Variants in WBP2NL observed in about 807,000 individuals in gnomAD.
WBP2NL encodes the protein postacrosomal sheath WW domain-binding protein.
WBP2NL carries 27 observed loss-of-function variants against 23.3 expected under a neutral mutation model. The ratio of observed to expected loss-of-function variants is 1.16; its 90% CI spans 0.85 to 1.60. The LOEUF is 1.60. Ranked by LOEUF, WBP2NL falls within the 40% of genes most tolerant of loss-of-function variation. The pLI is 0.00. For missense variants in WBP2NL, 370 were observed against 389.5 expected, an observed-to-expected ratio of 0.95 and a Z score of 0.42; for synonymous variants, 151 against 145.9, an observed-to-expected ratio of 1.03 and a Z score of -0.25.
chr22:42,010,482 C>T (rs904486449), intron 1 of WBP2NL, among the ~76,000 whole-genome samples: 4 of 152,122 alleles, frequency 2.6e-5, no homozygotes, highest in African/African-American at 9.7e-5. Context: ...TAGCTTCCTT[C>T]TACTTTTAGT....
chr22:42,046,523 A>G (rs1925593579), intron 8 of WBP2NL, among the ~76,000 whole-genome samples: 1 of 152,120 alleles, frequency 6.6e-6, no homozygotes, highest in African/African-American at 2.4e-5. Flanking sequence ...AAATTTTTTA[A>G]AAAGTTTTAT....
chr22:42,007,687 C>T (rs897286302), intron 1 of WBP2NL, among the ~76,000 whole-genome samples: 3 of 152,140 alleles, frequency 2.0e-5, no homozygotes, highest in Admixed American at 6.5e-5. Context: ...TTTAACTTAG[C>T]GTAACATCCT....
At chr22:42,005,837 G>A (rs133314) in intron 1 of WBP2NL, among the ~76,000 whole-genome samples, 64,934 of 151,918 alleles carry the variant, frequency 0.43, 15,008 homozygotes, top group East Asian at 0.85. Flanking sequence ...AATGAAACAT[G>A]GCTTTACCAG....
intron 5 of WBP2NL, among the ~76,000 whole-genome samples, chr22:42,026,043 G>A (rs1033932843): frequency 2.6e-5 from 4 of 152,008 alleles, no homozygotes; most frequent in South Asian, 2.1e-4. Context: ...AGGCCGAGGC[G>A]GGTGGATCAT....
intron 8 of WBP2NL, among the ~76,000 whole-genome samples, chr22:42,044,461 A>G (rs1925509025): frequency 6.6e-6 from 1 of 152,232 alleles, no homozygotes; most frequent in South Asian, 2.1e-4. Flanking sequence ...AGGAATTAAT[A>G]GAGAAAATCA....
At chr22:42,050,791 AAC>A (rs1405877955) in intron 8 of WBP2NL, among the ~76,000 whole-genome samples, 2 of 151,836 alleles carry the variant, frequency 1.3e-5, no homozygotes, top group African/African-American at 2.4e-5. Context: ...TGCAAATTAA[AAC>A]AGATACTATT....
downstream of WBP2NL, chr22:42,031,815 C>G (rs1483144169): frequency 2.0e-5 from 3 of 152,024 alleles, no homozygotes; most frequent in African/African-American, 7.3e-5. Flanking sequence ...CCTGCTTCAG[C>G]CTCCTGAATA....
At chr22:42,003,320 A>C (rs981082760) in intron 1 of WBP2NL, 4 of 152,678 alleles carry the variant, frequency 2.6e-5, no homozygotes, top group African/African-American at 7.2e-5. Flanking sequence ...GGAAAAAAGC[A>C]GTTGTGACTA....
chr22:42,049,630 C>G (rs185240044), intron 8 of WBP2NL, among the ~76,000 whole-genome samples: 22 of 136,206 alleles, frequency 1.6e-4, no homozygotes, highest in African/African-American at 5.8e-4. Flanking sequence ...GCAGAGCTTG[C>G]AGTGAGCGGA....
intron 1 of WBP2NL, among the ~76,000 whole-genome samples, chr22:42,004,839 G>A (rs1216068327): frequency 1.3e-4 from 20 of 151,868 alleles, no homozygotes; most frequent in African/African-American, 4.1e-4. Context: ...CAGGAGAATC[G>A]CTTGAACCTG....
At chr22:42,034,029 C>T (rs1261534188), downstream of WBP2NL, among the ~76,000 whole-genome samples, 1 of 152,214 alleles carries the variant, frequency 6.6e-6, no homozygotes, top group Non-Finnish European at 1.5e-5. Context: ...TGATGGTACC[C>T]AGGCTGTAGG....
At chr22:42,045,210 G>A (rs1159665480) in intron 8 of WBP2NL, among the ~76,000 whole-genome samples, 1 of 152,028 alleles carries the variant, frequency 6.6e-6, no homozygotes, top group Non-Finnish European at 1.5e-5. Flanking sequence ...AGTCCGAGGC[G>A]GGCGGATCAC....
intron 1 of WBP2NL, among the ~76,000 whole-genome samples, chr22:42,018,622 G>A (rs1368193442): frequency 6.6e-6 from 1 of 152,166 alleles, no homozygotes; most frequent in Non-Finnish European, 1.5e-5. Flanking sequence ...GAGGGAACAT[G>A]TCAGAGGGGG....
chr22:42,021,958 G>A (rs1030057726), intron 4 of WBP2NL, among the ~76,000 whole-genome samples: 3 of 151,638 alleles, frequency 2.0e-5, no homozygotes, highest in Admixed American at 6.6e-5. Context: ...CACCATGCCT[G>A]GCTAATTTTT....
intron 1 of WBP2NL, chr22:42,001,049 GA>G (rs1459881739): frequency 1.3e-5 from 10 of 779,608 alleles, no homozygotes; most frequent in East Asian, 7.6e-5. Context: ...TTCAAAGGGG[GA>G]AAAATCTTAG....
At chr22:42,000,127 C>T (rs1921475794) in intron 1 of WBP2NL, among the ~76,000 whole-genome samples, 1 of 152,218 alleles carries the variant, frequency 6.6e-6, no homozygotes, top group Non-Finnish European at 1.5e-5. Flanking sequence ...GGATGATGTG[C>T]TTGGGGCCAG....
intron 4 of WBP2NL, among the ~76,000 whole-genome samples, chr22:42,020,523 A>G (rs977255093): frequency 6.6e-6 from 1 of 152,036 alleles, no homozygotes; most frequent in African/African-American, 2.4e-5. Context: ...GTCCCTTCCT[A>G]TCCTGAAGGA....
At chr22:42,015,628 C>T (rs574214653) in intron 1 of WBP2NL, among the ~76,000 whole-genome samples, 7 of 152,216 alleles carry the variant, frequency 4.6e-5, no homozygotes, top group African/African-American at 1.7e-4. Context: ...GTCTTGAACT[C>T]CTGACCTCAG....
At chr22:42,044,841 G>T (rs1298689404) in intron 8 of WBP2NL, among the ~76,000 whole-genome samples, 1 of 151,948 alleles carries the variant, frequency 6.6e-6, no homozygotes, top group East Asian at 1.9e-4. Flanking sequence ...AGAGATGGAT[G>T]TCACTCTGTC....
Sources: allele counts gnomAD v4.1 joint callset (sites outside exome capture counted in the v4.1 genomes callset), GRCh38; gene constraint gnomAD v4.1.1; transcripts MANE v1.5; gene names NCBI Gene and HGNC (gene_info 2026-07-23, HGNC 2026-07-21).